The following PCDHGA4 variants were observed in gnomAD, a reference collection of about 807,000 sequenced individuals.
PCDHGA4 encodes protocadherin gamma subfamily A, 4, also known as protocadherin gamma-A4.
PCDHGA4 carries 38 observed loss-of-function variants against 54.6 expected under a neutral mutation model. That is an observed-to-expected ratio of 0.70 (90% confidence interval 0.54 to 0.91). The LOEUF is 0.91. Ranked by LOEUF, PCDHGA4 falls within the 40% of genes least tolerant of loss-of-function variation. The probability of loss-of-function intolerance (pLI) is 0.00; values close to 1 mark genes in which losing one functional copy is unlikely to be tolerated. For synonymous variants in PCDHGA4, 511 were observed against 512.9 expected (o/e 1.00, Z 0.05); for missense variants, 1,298 against 1,220.9 (o/e 1.06, Z -0.94).
chr5:141,371,336 C>T (rs2149982904), intron 1 of PCDHGA4: 1 of 1,613,926 alleles, frequency 6.2e-7, no homozygotes, highest in Non-Finnish European at 8.5e-7. Context: ...AGAGAGATAG[C>T]TACACAATTG....
At chr5:141,463,847 G>T (rs922334975) in intron 1 of PCDHGA4, among the ~76,000 whole-genome samples, 9 of 152,158 alleles carry the variant, frequency 5.9e-5, no homozygotes, top group African/African-American at 2.2e-4. Context: ...TGTTATAGTG[G>T]TATATCTGGT....
chr5:141,394,238 T>G, intron 1 of PCDHGA4: 1 of 1,613,934 alleles, frequency 6.2e-7, no homozygotes, highest in Non-Finnish European at 8.5e-7. Context: ...TTTCCTTGAC[T>G]GCACACGACC....
At chr5:141,375,738 T>C (rs1771822925) in intron 1 of PCDHGA4, 2 of 1,614,130 alleles carry the variant, frequency 1.2e-6, no homozygotes, top group African/African-American at 2.7e-5. Context: ...AGCCTGTTTG[T>C]GCTGGACCAG....
intron 1 of PCDHGA4, chr5:141,423,851 C>T (rs1311833319): frequency 7.8e-6 from 10 of 1,275,940 alleles, no homozygotes; most frequent in African/African-American, 1.6e-5. Flanking sequence ...TCTTTCAGAA[C>T]GTTTTTGTGA....
At chr5:141,408,579 T>G in intron 1 of PCDHGA4, 1 of 1,614,026 alleles carries the variant, frequency 6.2e-7, no homozygotes, top group Non-Finnish European at 8.5e-7. Flanking sequence ...ATTGAGGATG[T>G]TAATGACCAC....
rs1178458180 is a variant in PCDHGA4 at position 141,384,264 on chromosome 5, A to G, written c.2514+26643A>G. The G allele has an allele frequency of 5.0e-6, 8 of 1,613,664 alleles. No individual in the cohort carries two copies. The African/African-American group carries it at 8.0e-5, about 16-fold the overall frequency. On this transcript the variant is annotated intron_variant, in intron 1 of 3. Transcript: ENST00000571252. ...ATAACCCACCCACCTTCCCCCACTCATCCTACTCAGTCTACATCGCTGAGA... is the reference window on the plus strand; with the variant it reads ...ATAACCCACCCACCTTCCCCCACTCGTCCTACTCAGTCTACATCGCTGAGA...
chr5:141,394,631 C>T (rs1402672360), intron 1 of PCDHGA4: 3 of 1,613,354 alleles, frequency 1.9e-6, no homozygotes, highest in Admixed American at 1.7e-5. Flanking sequence ...GGCTGTCCTA[C>T]CGCCTGCTCA....
At position 141,383,792 on chromosome 5, in the gene PCDHGA4, C is replaced by T. The variant is rs766483523; in HGVS notation, c.2514+26171C>T. On this transcript the variant is annotated intron_variant, in intron 1 of 3. Coordinates refer to ENST00000571252, the MANE Select transcript of PCDHGA4 (RefSeq NM_018917.4). ...AAGATGTTTCATCTGAACTCGCTTA[C>T]AGGAGAAATATCAACTTTAGAAGGA... 2 of 1,613,914 alleles carry T rather than the reference C, an allele frequency of 1.2e-6. No homozygotes were observed. The highest frequency in any genetic ancestry group is 1.1e-5 in the South Asian group (1 of 91,080).
chr5:141,467,602 A>G (rs981250164), intron 1 of PCDHGA4, among the ~76,000 whole-genome samples: 3 of 152,216 alleles, frequency 2.0e-5, no homozygotes, highest in Non-Finnish European at 4.4e-5. Flanking sequence ...TAAGCACTTC[A>G]TCTTTGTCCC....
At chr5:141,437,312 G>T (rs2097875410) in intron 1 of PCDHGA4, among the ~76,000 whole-genome samples, 1 of 152,176 alleles carries the variant, frequency 6.6e-6, no homozygotes, top group South Asian at 2.1e-4. Context: ...AAAGCGTTCA[G>T]CTATAATTTA....
At chr5:141,510,139 G>T (rs931012964) in intron 3 of PCDHGA4, among the ~76,000 whole-genome samples, 1 of 152,136 alleles carries the variant, frequency 6.6e-6, no homozygotes, top group Non-Finnish European at 1.5e-5. Context: ...CTGGGCTAGT[G>T]GTGTGCACCT....
At chr5:141,409,201 A>G (rs2095240333) in intron 1 of PCDHGA4, 1 of 1,614,044 alleles carries the variant, frequency 6.2e-7, no homozygotes, top group Non-Finnish European at 8.5e-7. Flanking sequence ...AGTGTAAAGT[A>G]ATCATAGAAA....
At position 141,447,890 on chromosome 5, in the gene PCDHGA4, A is replaced by AC. The variant is rs1252174829; in HGVS notation, c.2515-46917_2515-46916insC. On this transcript the variant is annotated intron_variant, in intron 1 of 3. Transcript: ENST00000571252. ...CATCTGAGGTCAGGAGTTCGAGACCAGCCTGGCCAACATGGTGAAACTCTG... is the reference window on the plus strand; with the variant it reads ...CATCTGAGGTCAGGAGTTCGAGACCACGCCTGGCCAACATGGTGAAACTCTG... 1.3e-5 allele frequency among the ~76,000 whole-genome samples: 2 copies of AC among 152,146 alleles called. 1 individual carries two copies. The highest frequency in any genetic ancestry group is 4.8e-5 in the African/African-American group (2 of 41,434).
chr5:141,362,934 A>G (rs373644254), intron 1 of PCDHGA4, among the ~76,000 whole-genome samples: 1 of 152,196 alleles, frequency 6.6e-6, no homozygotes, highest in Non-Finnish European at 1.5e-5. Context: ...GAGAGTCTTC[A>G]TTTTAGTAGG....
At position 141,356,052 on chromosome 5, in the gene PCDHGA4, AAG is replaced by A. The variant is rs766597679; in HGVS notation, c.949_950del (p.Asp317GlnfsTer24). 3 of 1,613,984 alleles carry A rather than the reference AAG, an allele frequency of 1.9e-6. No individual in the cohort carries two copies. Among genetic ancestry groups the A allele is most frequent in the Admixed American group, 3.3e-5 (2 of 60,036 alleles). On this transcript the variant is annotated frameshift_variant, in exon 1 of 4. Transcript: ENST00000571252. LOFTEE classifies it high-confidence loss of function. ...GDVTYSFRKV[R>X]DKISQLFQLN... ...ACGTGACGTATTCTTTCCGGAAAGT[AAG>A]AGACAAAATATCACAGCTATTTCAG... is the stretch of plus-strand genomic sequence containing the variant.
intron 1 of PCDHGA4, among the ~76,000 whole-genome samples, chr5:141,407,414 C>T (rs1190741475): frequency 6.6e-6 from 1 of 152,156 alleles, no homozygotes; most frequent in Non-Finnish European, 1.5e-5. Flanking sequence ...TTCGATACCA[C>T]AAAAATGTCT....
intron 1 of PCDHGA4, among the ~76,000 whole-genome samples, chr5:141,466,035 C>T (rs10054619): frequency 0.28 from 42,092 of 151,762 alleles, 6,545 homozygotes; most frequent in African/African-American, 0.42. Flanking sequence ...GGCAGGAGAA[C>T]GGCATGAACC....
intron 1 of PCDHGA4, among the ~76,000 whole-genome samples, chr5:141,474,770 G>A (rs1221980722): frequency 6.6e-6 from 1 of 152,204 alleles, no homozygotes; most frequent in African/African-American, 2.4e-5. Context: ...GAAATAGTAT[G>A]AGGCTCTAAC....
rs762908598 is a variant in PCDHGA4 at position 141,491,157 on chromosome 5, T to A, written c.2515-3650T>A. The A allele has an allele frequency of 3.7e-6, 6 of 1,614,108 alleles. No homozygotes were observed. The Admixed American group carries it at 8.3e-5, about 22-fold the overall frequency. On this transcript the variant is annotated intron_variant, in intron 1 of 3. Transcript: ENST00000571252. The surrounding 1 kb of genome is among the most constrained non-coding windows in gnomAD (Gnocchi z 6.9). ...CCCGGGCCTTACTGGAGGATGACTC[T>A]GACACCCAGCAGGTGGTGGTCCTGG...
Sources: gnomAD v4.1 joint callset for allele counts (sites outside exome capture counted in the v4.1 genomes callset) on GRCh38, gnomAD v4.1.1 for gene constraint, Gnocchi (gnomAD v3.1) non-coding constraint, MANE v1.5 for transcripts, NCBI Gene and HGNC (gene_info 2026-07-23, HGNC 2026-07-21) for gene names.